ARMC9: variants seen among roughly 807,000 people sequenced by gnomAD.
ARMC9 encodes lisH domain-containing protein ARMC9.
A neutral mutation model predicts 107.0 loss-of-function variants in ARMC9; 94 were observed. That is an observed-to-expected ratio of 0.88 (90% CI 0.74 to 1.04). ARMC9 has a LOEUF of 1.04. Ranked by LOEUF, ARMC9 falls within the 50% of genes least tolerant of loss-of-function variation. The pLI is 0.00. For synonymous variants in ARMC9, 380 were observed against 396.9 expected, an observed-to-expected ratio of 0.96 and a Z score of 0.51; for missense variants, 942 against 1,030.1, an observed-to-expected ratio of 0.91 and a Z score of 1.17.
Position 231,222,836 on chromosome 2 carries a change from A to C in ARMC9, c.597+16A>C. On this transcript the variant is annotated intron_variant, in intron 6 of 24. Coordinates refer to ENST00000611582, the MANE Select transcript of ARMC9 (RefSeq NM_001352754.2). ...AACAATATATGTATCCTTTTGAAGC[A>C]AATAGAGACCACCTATGGTTTTAGA... 6.7e-7 allele frequency: 1 copy of C among 1,499,190 alleles called. No individual in the cohort carries two copies. The highest frequency in any genetic ancestry group is 9.2e-7 in the Non-Finnish European group (1 of 1,086,544). The allele number at this position is 1,499,190 out of a possible 1,614,324, so 92.9% of individuals were successfully genotyped here.
At chr2:231,204,965 G>C (rs1263832930) in intron 1 of ARMC9, among the ~76,000 whole-genome samples, 1 of 152,028 alleles carries the variant, frequency 6.6e-6, no homozygotes, top group Non-Finnish European at 1.5e-5. Flanking sequence ...ACCACAGGAG[G>C]GTCCCAAGCA....
In ARMC9 at chr2:231,374,964, TG is replaced by T. The variant is rs1313641697; in HGVS notation, c.*3431del. ...AGTGCCTGATAGCACAGCCTGGGGC[TG>T]GTGGTGTGCCTGTTTGCCTAGCTTT... On this transcript the variant is annotated 3_prime_UTR_variant, in exon 25 of 25. Coordinates refer to ENST00000611582, the MANE Select transcript of ARMC9 (RefSeq NM_001352754.2). 1.3e-5 allele frequency: 2 copies of T among 152,372 alleles called. No homozygotes were observed. The highest frequency in any genetic ancestry group is 4.8e-5 in the African/African-American group (2 of 41,588). The allele number at this position is 152,372 out of a possible 1,614,324, so 9.4% of individuals were successfully genotyped here.
intron 7 of ARMC9, among the ~76,000 whole-genome samples, chr2:231,234,749 G>A (rs1433634922): frequency 2.0e-5 from 3 of 152,074 alleles, no homozygotes; most frequent in East Asian, 1.9e-4. Context: ...GATTATAGGC[G>A]AGCACCACCA....
intron 23 of ARMC9, among the ~76,000 whole-genome samples, chr2:231,366,073 G>A (rs2045804662): frequency 6.6e-6 from 1 of 152,194 alleles, no homozygotes; most frequent in South Asian, 2.1e-4. Context: ...GCTGATTTTA[G>A]GGAATTGGCT....
intron 7 of ARMC9, among the ~76,000 whole-genome samples, chr2:231,230,547 T>G (rs934651576): frequency 6.6e-6 from 1 of 152,192 alleles, no homozygotes; most frequent in African/African-American, 2.4e-5. Context: ...AGTTAAGGTA[T>G]CTGCAAGGTG....
chr2:231,323,096 GGAGGA>G, intron 19 of ARMC9, among the ~76,000 whole-genome samples: 1 of 152,100 alleles, frequency 6.6e-6, no homozygotes, highest in African/African-American at 2.4e-5. Flanking sequence ...GGCTAAGGTG[GGAGGA>G]ATGCTTGAGG....
chr2:231,319,530 G>A (rs921352039), intron 19 of ARMC9, among the ~76,000 whole-genome samples: 16 of 152,146 alleles, frequency 1.1e-4, no homozygotes, highest in Non-Finnish European at 1.8e-4. Context: ...ATCACCTGGC[G>A]GTCCCAGGCG....
intron 8 of ARMC9, 68 bp downstream of exon 8, chr2:231,235,449 G>C: frequency 6.5e-7 from 1 of 1,543,600 alleles, no homozygotes; most frequent in African/African-American, 1.4e-5. Flanking sequence ...CATGGACTAT[G>C]TTGATATGGC....
chr2:231,270,793 AT>A (rs1472457414), intron 12 of ARMC9, 188 bp from the exon 13 acceptor site: 75 of 700,352 alleles, frequency 1.1e-4, no homozygotes, highest in Non-Finnish European at 1.7e-4. Context: ...TGACTAACTT[AT>A]TTTTGCCAAG....
intron 24 of ARMC9, chr2:231,370,737 T>A (rs971322420): frequency 5.3e-5 from 11 of 207,530 alleles, no homozygotes; most frequent in Admixed American, 2.3e-4. Context: ...TGTCTTTCTC[T>A]GTCCCCTTCC....
intron 5 of ARMC9, among the ~76,000 whole-genome samples, chr2:231,217,845 A>G (rs952739931): frequency 3.9e-5 from 6 of 152,156 alleles, no homozygotes; most frequent in Admixed American, 3.9e-4. Flanking sequence ...GGTGCGCACC[A>G]GCACACCTGG....
chr2:231,226,087 T>C (rs571071401), intron 6 of ARMC9, among the ~76,000 whole-genome samples: 51 of 152,226 alleles, frequency 3.4e-4, no homozygotes, highest in African/African-American at 9.1e-4. Context: ...AAACTCCTGA[T>C]CTCAGGTAAT....
chr2:231,315,525 C>T (rs2042619540), intron 19 of ARMC9, among the ~76,000 whole-genome samples: 1 of 152,088 alleles, frequency 6.6e-6, no homozygotes, highest in South Asian at 2.1e-4. Context: ...GGCAACAGAG[C>T]AAGGCTCCAT....
At chr2:231,262,511 T>C (rs542486344) in intron 12 of ARMC9, 113 bp downstream of exon 12, 6 of 1,038,994 alleles carry the variant, frequency 5.8e-6, no homozygotes, top group Non-Finnish European at 7.3e-6. Flanking sequence ...CGTAACTGTA[T>C]GTCAGCCTTG....
chr2:231,256,459 C>CAAA, intron 9 of ARMC9, 127 bp from the exon 10 acceptor site: 6 of 950,016 alleles, frequency 6.3e-6, no homozygotes, highest in Non-Finnish European at 9.0e-6. Context: ...AAAAAAAAAC[C>CAAA]AAAAAAAAAA....
At chr2:231,227,539 C>T (rs924574717) in intron 7 of ARMC9, among the ~76,000 whole-genome samples, 4 of 152,330 alleles carry the variant, frequency 2.6e-5, no homozygotes, top group South Asian at 4.1e-4. Flanking sequence ...CATGCGCCAG[C>T]ACATTTGCCC....
At chr2:231,308,932 G>A (rs1027901317) in intron 19 of ARMC9, among the ~76,000 whole-genome samples, 7 of 152,122 alleles carry the variant, frequency 4.6e-5, no homozygotes, top group East Asian at 3.8e-4. Context: ...TGGCCAGCTC[G>A]CTTGGCGTGG....
chr2:231,201,920 C>T (rs1031808994), intron 1 of ARMC9, among the ~76,000 whole-genome samples: 3 of 152,120 alleles, frequency 2.0e-5, no homozygotes, highest in African/African-American at 7.2e-5. Flanking sequence ...TGGTTCCCAC[C>T]CTCCCTTCCG....
In ARMC9 at chr2:231,358,206, C is replaced by T. The variant is rs2045419495; in HGVS notation, c.2131+2272C>T. Among the ~76,000 whole-genome samples the T allele has an allele frequency of 6.6e-6, 1 of 152,160 alleles. No homozygotes were observed. Among genetic ancestry groups the T allele is most frequent in the Admixed American group, 6.5e-5 (1 of 15,282 alleles). ...GAATGAGGGGGAGGGGGATGAGCAG[C>T]AGGGACAGCAGGGAGTGGGCAGTGC... is the stretch of plus-strand genomic sequence containing the variant. On this transcript the variant is annotated intron_variant, in intron 22 of 24. Transcript: ENST00000611582. The surrounding 1 kb of genome is among the most constrained non-coding windows in gnomAD (Gnocchi z 4.5).
Sources: gnomAD v4.1 joint callset for allele counts (sites outside exome capture counted in the v4.1 genomes callset) on GRCh38, gnomAD v4.1.1 for gene constraint, Gnocchi (gnomAD v3.1) non-coding constraint, MANE v1.5 for transcripts, NCBI Gene and HGNC (gene_info 2026-07-23, HGNC 2026-07-21) for gene names.